Variants in SH3RF3 observed in about 807,000 individuals in gnomAD.
SH3RF3 encodes the protein SH3 domain containing ring finger 3.
A neutral mutation model predicts 66.3 loss-of-function variants in SH3RF3; 29 were observed. That is an observed-to-expected ratio of 0.44 (90% CI 0.33 to 0.60). The LOEUF is 0.60. Among genes scored for constraint, SH3RF3 ranks in the 20% least tolerant of loss-of-function variants. SH3RF3 has a pLI of 0.04. For missense variants in SH3RF3, 1,194 were observed against 1,190.9 expected, an observed-to-expected ratio of 1.00 and a Z score of -0.04; for synonymous variants, 583 against 532.0, an observed-to-expected ratio of 1.10 and a Z score of -1.32.
chr2:109,257,208 C>A (rs1025264521), intron 1 of SH3RF3, among the ~76,000 whole-genome samples: 1 of 152,120 alleles, frequency 6.6e-6, no homozygotes, highest in Admixed American at 6.5e-5. Context: ...GTGGACATGA[C>A]GGTAAGTCCT....
intron 2 of SH3RF3, among the ~76,000 whole-genome samples, chr2:109,364,902 C>A (rs1683126080): frequency 6.6e-6 from 1 of 152,086 alleles, no homozygotes; most frequent in African/African-American, 2.4e-5. Flanking sequence ...ACCAGCCTGG[C>A]CAACATGGTG....
At chr2:109,426,767 C>A (rs574952725) in intron 5 of SH3RF3, among the ~76,000 whole-genome samples, 1 of 152,118 alleles carries the variant, frequency 6.6e-6, no homozygotes, top group Non-Finnish European at 1.5e-5. Context: ...ATAGAGAAAT[C>A]TATCATGAAA....
intron 2 of SH3RF3, among the ~76,000 whole-genome samples, chr2:109,358,040 T>C (rs1682986030): frequency 6.6e-6 from 1 of 152,206 alleles, no homozygotes; most frequent in Non-Finnish European, 1.5e-5. Flanking sequence ...TCCTCTGACC[T>C]GTCTATCCAT....
intron 1 of SH3RF3, among the ~76,000 whole-genome samples, chr2:109,294,491 G>A (rs1224534727): frequency 6.6e-6 from 1 of 151,590 alleles, no homozygotes; most frequent in East Asian, 1.9e-4. Flanking sequence ...AACCCAGGAG[G>A]TGGAGGTTGC....
chr2:109,195,553 C>T (rs1262398043), intron 1 of SH3RF3, among the ~76,000 whole-genome samples: 4 of 152,238 alleles, frequency 2.6e-5, no homozygotes, highest in Non-Finnish European at 4.4e-5. Context: ...TTCCCATTTG[C>T]ACCTAACCCT....
At chr2:109,223,123 G>A (rs1009860274) in intron 1 of SH3RF3, among the ~76,000 whole-genome samples, 1 of 152,266 alleles carries the variant, frequency 6.6e-6, no homozygotes, top group Non-Finnish European at 1.5e-5. Flanking sequence ...GGTGGTTGGA[G>A]AGAGGTGGGA....
At chr2:109,154,793 G>T (rs1166371934) in intron 1 of SH3RF3, among the ~76,000 whole-genome samples, 1 of 152,150 alleles carries the variant, frequency 6.6e-6, no homozygotes, top group Non-Finnish European at 1.5e-5. Context: ...GGAGACCTGT[G>T]GTGACACCAA....
chr2:109,371,467 T>G (rs1683269282), intron 2 of SH3RF3, 119 bp from the exon 3 acceptor site: 8 of 747,934 alleles, frequency 1.1e-5, no homozygotes, highest in Middle Eastern at 2.3e-4. Flanking sequence ...AATGCACTCT[T>G]CTTGAACTCA....
chr2:109,319,391 G>A (rs568377409), intron 1 of SH3RF3, among the ~76,000 whole-genome samples: 26 of 152,336 alleles, frequency 1.7e-4, no homozygotes, highest in Admixed American at 1.4e-3. Context: ...GGCTCAGTGG[G>A]GTCCCGGGGA....
In SH3RF3 at chr2:109,326,903, T is replaced by C. The variant is rs141592278; in HGVS notation, c.574-20771T>C. ...TGAGGGGAGAGCAGGGGCTCACACC[T>C]GAGCACGCTGGCTCTACCATTCGGT... On this transcript the variant is annotated intron_variant, in intron 1 of 9. Coordinates refer to ENST00000309415, the MANE Select transcript of SH3RF3 (RefSeq NM_001099289.3). 9.2e-3 allele frequency among the ~76,000 whole-genome samples: 1,405 copies of C among 152,328 alleles called. 51 individuals are homozygous for C. The highest frequency in any genetic ancestry group is 0.069 in the Admixed American group (1,056 of 15,298).
At chr2:109,285,873 TCCCATGC>T (rs1681019355) in intron 1 of SH3RF3, among the ~76,000 whole-genome samples, 1 of 152,204 alleles carries the variant, frequency 6.6e-6, no homozygotes, top group African/African-American at 2.4e-5. Flanking sequence ...ACTCCCTTCC[TCCCATGC>T]CCCCAGCGTG....
intron 1 of SH3RF3, among the ~76,000 whole-genome samples, chr2:109,316,366 C>A (rs1470590537): frequency 6.6e-6 from 1 of 152,184 alleles, no homozygotes; most frequent in Non-Finnish European, 1.5e-5. Flanking sequence ...TGCCCCTGCT[C>A]CTGGAGAAGC....
At chr2:109,156,933 A>G (rs1178449600) in intron 1 of SH3RF3, among the ~76,000 whole-genome samples, 2 of 152,154 alleles carry the variant, frequency 1.3e-5, no homozygotes, top group Non-Finnish European at 2.9e-5. Context: ...TTCAAATACT[A>G]TTTCTTATTT....
At chr2:109,273,654 T>G (rs906209128) in intron 1 of SH3RF3, among the ~76,000 whole-genome samples, 7 of 152,158 alleles carry the variant, frequency 4.6e-5, no homozygotes, top group African/African-American at 1.7e-4. Context: ...ATGATAGACA[T>G]TAAACATGCG....
intron 9 of SH3RF3, among the ~76,000 whole-genome samples, chr2:109,498,198 C>T (rs181438069): frequency 6.3e-4 from 96 of 152,326 alleles, no homozygotes; most frequent in African/African-American, 2.0e-3. Context: ...GGTTCGCCGG[C>T]AGATAGCCCA....
intron 3 of SH3RF3, among the ~76,000 whole-genome samples, chr2:109,393,624 C>T (rs1485458996): frequency 1.3e-5 from 2 of 152,084 alleles, no homozygotes; most frequent in Non-Finnish European, 2.9e-5. Context: ...CTCCTGCTTG[C>T]ACCCTTGGCT....
At chr2:109,410,405 G>C (rs1037073266) in intron 4 of SH3RF3, among the ~76,000 whole-genome samples, 1 of 152,228 alleles carries the variant, frequency 6.6e-6, no homozygotes, top group Non-Finnish European at 1.5e-5. Context: ...CCCTGACCTC[G>C]GTGCGGAGGG....
intron 1 of SH3RF3, among the ~76,000 whole-genome samples, chr2:109,133,223 G>A (rs1676737327): frequency 6.6e-6 from 1 of 152,210 alleles, no homozygotes; most frequent in Non-Finnish European, 1.5e-5. Context: ...AGAAAGCTTA[G>A]GCAGTGCCTT....
intron 1 of SH3RF3, chr2:109,251,778 A>G: frequency 1.9e-6 from 1 of 534,388 alleles, no homozygotes; most frequent in Non-Finnish European, 3.3e-6. Context: ...AATAGTCAAA[A>G]AAAGAATTAG....
Sources: allele counts gnomAD v4.1 joint callset (sites outside exome capture counted in the v4.1 genomes callset), GRCh38; gene constraint gnomAD v4.1.1; transcripts MANE v1.5; gene names NCBI Gene and HGNC (gene_info 2026-07-23, HGNC 2026-07-21).